Variants in PAK4 observed in about 807,000 individuals in gnomAD.
PAK4 encodes the protein serine/threonine-protein kinase PAK 4.
Under a neutral mutation model 53.5 loss-of-function variants are expected in PAK4, and 49 were observed. The ratio of observed to expected loss-of-function variants is 0.92; its 90% CI spans 0.73 to 1.16. PAK4 has a LOEUF of 1.16. Ranked by LOEUF, PAK4 falls within the 50% of genes most tolerant of loss-of-function variation. The pLI is 0.00. For synonymous variants in PAK4, 376 were observed against 375.6 expected (o/e 1.00, Z -0.01); for missense variants, 824 against 850.7 (o/e 0.97, Z 0.39).
At chr19:39,160,132 A>G (rs1402808632) in intron 1 of PAK4, among the ~76,000 whole-genome samples, 1 of 152,224 alleles carries the variant, frequency 6.6e-6, no homozygotes, top group Non-Finnish European at 1.5e-5. Context: ...CTGAACAGCC[A>G]GATTCAGTCT....
intron 1 of PAK4, among the ~76,000 whole-genome samples, chr19:39,159,904 C>A (rs1268291414): frequency 6.6e-6 from 1 of 152,234 alleles, no homozygotes; most frequent in African/African-American, 2.4e-5. Flanking sequence ...GTCCCCCCCA[C>A]TGGATCTGTG....
At position 39,175,688 on chromosome 19, in the gene PAK4, AG is replaced by A. The variant is rs1465429726; in HGVS notation, c.1359+253del. 6.6e-6 allele frequency among the ~76,000 whole-genome samples: 1 copy of A among 152,094 alleles called. No individual in the cohort carries two copies. The highest frequency in any genetic ancestry group is 2.4e-5 in the African/African-American group (1 of 41,416). Reference sequence around the variant, plus strand: ...AGCACAGGACACTGGGCCCAGGGGCAGGGATCTGGGCAGACAGCGCAGCCCC... The same window carrying A: ...AGCACAGGACACTGGGCCCAGGGGCAGGATCTGGGCAGACAGCGCAGCCCC... On this transcript the variant is annotated intron_variant, in intron 6 of 8. Transcript: ENST00000358301. This position sits in a 1 kb window ranked among gnomAD's most constrained non-coding sequence, Gnocchi z 4.7.
At chr19:39,140,741 G>C (rs1304977872) in intron 1 of PAK4, among the ~76,000 whole-genome samples, 1 of 152,158 alleles carries the variant, frequency 6.6e-6, no homozygotes, top group Non-Finnish European at 1.5e-5. Flanking sequence ...CAGGAGTCCA[G>C]CTCCACCTGC....
intron 2 of PAK4, among the ~76,000 whole-genome samples, chr19:39,172,248 G>A (rs1368331181): frequency 2.6e-5 from 4 of 152,032 alleles, no homozygotes; most frequent in African/African-American, 7.2e-5. Flanking sequence ...GGAGACACCC[G>A]TGTGTCTGGA....
chr19:39,175,986 A>G lies in PAK4; in HGVS notation c.1359+548A>G, dbSNP rs1395820223. 6.6e-6 allele frequency among the ~76,000 whole-genome samples: 1 copy of G among 152,202 alleles called. No homozygotes were observed. Among genetic ancestry groups the G allele is most frequent in the Non-Finnish European group, 1.5e-5 (1 of 68,022 alleles). On this transcript the variant is annotated intron_variant, in intron 6 of 8. Transcript: ENST00000358301. The surrounding 1 kb of genome is among the most constrained non-coding windows in gnomAD (Gnocchi z 4.7). ...AGGCAGAGAGAGCTCTGTGTCACTG[A>G]CAGTCTGAAAATCTCCAGATGTCTA...
chr19:39,162,236 C>T (rs954414249), intron 1 of PAK4, among the ~76,000 whole-genome samples: 3 of 152,150 alleles, frequency 2.0e-5, no homozygotes, highest in Non-Finnish European at 2.9e-5. Context: ...TCTGGGATTA[C>T]AGGCATAAGC....
Position 39,159,107 on chromosome 19 carries a change from A to G in PAK4, c.-22-10425A>G, listed in dbSNP as rs564621124. Among the ~76,000 whole-genome samples the G allele has an allele frequency of 2.2e-4, 34 of 152,290 alleles. 1 individual carries two copies. In the South Asian group the frequency reaches 3.7e-3, roughly 17 times the overall value. ...CTACCCCCAGTTTGCAGATGAGGAC[A>G]CTGAGGCCCAGAGAGGTTGAGTCAC... On this transcript the variant is annotated intron_variant, in intron 1 of 8. Coordinates refer to ENST00000358301, the Ensembl canonical transcript of PAK4.
At chr19:39,172,170 A>G (rs562573282) in intron 2 of PAK4, among the ~76,000 whole-genome samples, 1 of 143,644 alleles carries the variant, frequency 7.0e-6, no homozygotes, top group South Asian at 2.3e-4. Flanking sequence ...AGGGACCCTG[A>G]GAGCTGATGT....
chr19:39,176,586 C>A lies in PAK4; in HGVS notation c.1360-4C>A, dbSNP rs369679140. 1 of 1,613,760 alleles carries A rather than the reference C, an allele frequency of 6.2e-7. No homozygotes were observed. The highest frequency in any genetic ancestry group is 8.5e-7 in the Non-Finnish European group (1 of 1,180,006). Reference sequence around the variant, plus strand: ...CTGACCCCACTGCCTCTGCCCTGTCCCAGGTGAAGCTGTCAGACTTTGGGT... The same window carrying A: ...CTGACCCCACTGCCTCTGCCCTGTCACAGGTGAAGCTGTCAGACTTTGGGT... On this transcript the variant is annotated splice_polypyrimidine_tract_variant and splice_region_variant and intron_variant, in intron 6 of 8. Coordinates refer to ENST00000358301, the Ensembl canonical transcript of PAK4.
chr19:39,169,388 A>T (rs1177616597), intron 1 of PAK4, 144 bp from the exon 3 acceptor site: 10 of 647,666 alleles, frequency 1.5e-5, no homozygotes, highest in African/African-American at 1.5e-4. Flanking sequence ...AGATGGGCGC[A>T]GGGGGTGGGC....
downstream of PAK4, chr19:39,180,241 A>G (rs552176127): frequency 7.2e-5 from 11 of 152,362 alleles, no homozygotes; most frequent in African/African-American, 2.2e-4. Flanking sequence ...GGATCATCAC[A>G]GAGTGAAACC....
At chr19:39,137,989 T>G (rs901376180) in intron 1 of PAK4, among the ~76,000 whole-genome samples, 3 of 150,694 alleles carry the variant, frequency 2.0e-5, no homozygotes, top group Admixed American at 2.0e-4. Flanking sequence ...TGAGGTTTTT[T>G]TTTTTTTTTT....
chr19:39,138,264 G>A (rs2145134666), intron 1 of PAK4, among the ~76,000 whole-genome samples: 1 of 151,452 alleles, frequency 6.6e-6, no homozygotes, highest in Middle Eastern at 3.5e-3. Context: ...TGTTGCCCAG[G>A]CTAGTCTCAA....
At chr19:39,159,188 C>T (rs1568514553) in intron 1 of PAK4, among the ~76,000 whole-genome samples, 1 of 152,128 alleles carries the variant, frequency 6.6e-6, no homozygotes, top group South Asian at 2.1e-4. Flanking sequence ...ACTGGGCAGT[C>T]GGCTCTTAAC....
chr19:39,159,862 C>T (rs2074255217), intron 1 of PAK4, among the ~76,000 whole-genome samples: 2 of 152,246 alleles, frequency 1.3e-5, no homozygotes, highest in African/African-American at 2.4e-5. Flanking sequence ...CCTCCACAGA[C>T]GCTGCTGAAT....
At chr19:39,174,858 G>A (rs756117611) in intron 4 of PAK4, 73 bp from the exon 6 acceptor site, 221 of 1,575,064 alleles carry the variant, frequency 1.4e-4, no homozygotes, top group Admixed American at 2.7e-4. Context: ...GGGAGCCAGG[G>A]GGGTGGCGGT....
At chr19:39,155,105 G>T (rs1263519480) in intron 1 of PAK4, among the ~76,000 whole-genome samples, 1 of 152,178 alleles carries the variant, frequency 6.6e-6, no homozygotes, top group African/African-American at 2.4e-5. Flanking sequence ...GTGTGCCGGG[G>T]CGCTTGCTCA....
intron 1 of PAK4, among the ~76,000 whole-genome samples, chr19:39,128,706 C>G (rs1167176111): frequency 6.6e-6 from 1 of 152,178 alleles, no homozygotes; most frequent in Non-Finnish European, 1.5e-5. Context: ...GGCCAAGGGT[C>G]TCCTCCTCAC....
chr19:39,138,935 A>T (rs1600318266), intron 1 of PAK4, among the ~76,000 whole-genome samples: 1 of 152,096 alleles, frequency 6.6e-6, no homozygotes. Context: ...ATACCCCAGC[A>T]CCCTCCAGTG....
Sources: allele counts gnomAD v4.1 joint callset (sites outside exome capture counted in the v4.1 genomes callset), GRCh38; gene constraint gnomAD v4.1.1; non-coding constraint Gnocchi (gnomAD v3.1); transcripts MANE v1.5; gene names NCBI Gene and HGNC (gene_info 2026-07-23, HGNC 2026-07-21).